KLHL1: variants seen among roughly 807,000 people sequenced by gnomAD.
KLHL1 encodes kelch-like protein 1.
KLHL1 carries 47 observed loss-of-function variants against 77.7 expected under a neutral mutation model. The ratio of observed to expected loss-of-function variants is 0.60; its 90% CI spans 0.48 to 0.77. The LOEUF is 0.77. Ranked by LOEUF, KLHL1 falls within the 30% of genes least tolerant of loss-of-function variation. The probability of loss-of-function intolerance (pLI) is 0.00; values close to 1 mark genes in which losing one functional copy is unlikely to be tolerated. For synonymous variants in KLHL1, 360 were observed against 325.2 expected (o/e 1.11, Z -1.15); for missense variants, 925 against 910.8 (o/e 1.02, Z -0.20).
chr13:69,752,484 G>A lies in KLHL1; in HGVS notation c.1640-11928C>T, dbSNP rs577986943. The stretch of plus-strand genomic sequence containing the variant: ...TCTCAAGGATGATTTCATGTGGTAC[G>A]TAGACATTGTTTTAAAGTGCAATGT... On this transcript the variant is annotated intron_variant, in intron 7 of 10. Transcript: ENST00000377844. Among the ~76,000 whole-genome samples the A allele has an allele frequency of 4.6e-5, 7 of 152,212 alleles. No individual in the cohort carries two copies. The East Asian group carries it at 1.2e-3, about 25-fold the overall frequency.
chr13:69,987,521 C>G (rs984197378), intron 1 of KLHL1, among the ~76,000 whole-genome samples: 1 of 149,412 alleles, frequency 6.7e-6, no homozygotes, highest in African/African-American at 2.5e-5. Context: ...TAATCTAGGT[C>G]AAAGGAAAGA....
intron 9 of KLHL1, among the ~76,000 whole-genome samples, chr13:69,715,815 G>GAGGA (rs1204539133): frequency 6.6e-6 from 1 of 152,092 alleles, no homozygotes. Flanking sequence ...AGGTTTGGGG[G>GAGGA]AGGAAGGGGA....
intron 1 of KLHL1, among the ~76,000 whole-genome samples, chr13:70,034,512 G>T (rs1231797674): frequency 6.6e-6 from 1 of 152,156 alleles, no homozygotes; most frequent in African/African-American, 2.4e-5. Context: ...AGTTGTCATG[G>T]CAACTGTATT....
chr13:69,701,782 C>T, intron 10 of KLHL1, 21 bp from the exon 11 acceptor site: 1 of 1,533,216 alleles, frequency 6.5e-7, no homozygotes, highest in Non-Finnish European at 8.9e-7. Flanking sequence ...AGATGAAACA[C>T]AACTTAAGAC....
chr13:69,878,655 TATAA>T (rs1371294680), intron 5 of KLHL1, among the ~76,000 whole-genome samples: 2 of 151,956 alleles, frequency 1.3e-5, no homozygotes, highest in Admixed American at 1.3e-4. Flanking sequence ...TATAAACACA[TATAA>T]ATACATACAT....
intron 4 of KLHL1, among the ~76,000 whole-genome samples, chr13:69,935,441 C>G (rs980815983): frequency 7.2e-5 from 11 of 151,936 alleles, no homozygotes; most frequent in Admixed American, 5.2e-4. Context: ...ATAACAAAAA[C>G]AAATATATAT....
chr13:69,791,048 AACAC>A (rs200973987), intron 7 of KLHL1, among the ~76,000 whole-genome samples: 2 of 150,836 alleles, frequency 1.3e-5, no homozygotes, highest in Admixed American at 6.6e-5. Flanking sequence ...CTGTGGGGGA[AACAC>A]ACACACACAC....
At chr13:69,925,865 T>C (rs973519301) in intron 4 of KLHL1, among the ~76,000 whole-genome samples, 1 of 152,188 alleles carries the variant, frequency 6.6e-6, no homozygotes, top group African/African-American at 2.4e-5. Flanking sequence ...TGAGTTATGG[T>C]TTTTACTTTG....
At chr13:69,999,540 C>T (rs9542150) in intron 1 of KLHL1, among the ~76,000 whole-genome samples, 25,626 of 151,918 alleles carry the variant, frequency 0.17, 2,285 homozygotes, top group East Asian at 0.19. Context: ...CCCCAAGCCA[C>T]TGAATCGATA....
At chr13:69,974,048 T>A (rs1270500234) in intron 2 of KLHL1, among the ~76,000 whole-genome samples, 1 of 152,002 alleles carries the variant, frequency 6.6e-6, no homozygotes, top group Non-Finnish European at 1.5e-5. Context: ...CTGAACAGCT[T>A]GTGGTCTCGT....
At chr13:69,960,425 TAAAAC>T (rs1448654281) in intron 3 of KLHL1, among the ~76,000 whole-genome samples, 3 of 152,050 alleles carry the variant, frequency 2.0e-5, no homozygotes, top group Admixed American at 6.6e-5. Context: ...AAATAATACA[TAAAAC>T]AAACCATCAA....
At chr13:69,875,698 T>C (rs1188729525) in intron 5 of KLHL1, among the ~76,000 whole-genome samples, 1 of 152,144 alleles carries the variant, frequency 6.6e-6, no homozygotes, top group Non-Finnish European at 1.5e-5. Flanking sequence ...ATTTTGTAAC[T>C]TGAACGGTGA....
At chr13:69,986,161 G>T in intron 1 of KLHL1, among the ~76,000 whole-genome samples, 1 of 151,910 alleles carries the variant, frequency 6.6e-6, no homozygotes, top group East Asian at 1.9e-4. Context: ...TAGAATAGTG[G>T]TTACCAGAGG....
intron 8 of KLHL1, 26 bp downstream of exon 8, chr13:69,740,368 A>T: frequency 6.7e-7 from 1 of 1,495,342 alleles, no homozygotes; most frequent in South Asian, 1.3e-5. Flanking sequence ...TTCTAAGATT[A>T]AAAAATAAGA....
intron 9 of KLHL1, among the ~76,000 whole-genome samples, chr13:69,711,121 A>C (rs570386516): frequency 1.3e-5 from 2 of 152,288 alleles, no homozygotes; most frequent in South Asian, 4.1e-4. Context: ...TACTTTAAGG[A>C]TAATAATCGG....
intron 1 of KLHL1, among the ~76,000 whole-genome samples, chr13:70,103,123 C>G (rs148647559): frequency 6.6e-6 from 1 of 152,040 alleles, no homozygotes; most frequent in Non-Finnish European, 1.5e-5. Context: ...AGGTACAGCA[C>G]GTTTATGCAT....
Position 69,701,640 on chromosome 13 carries a change from C to T in KLHL1, c.*62G>A. 4.4e-6 allele frequency: 5 copies of T among 1,146,038 alleles called. No individual in the cohort carries two copies. Among genetic ancestry groups the T allele is most frequent in the Non-Finnish European group, 6.5e-6 (5 of 771,164 alleles). 71.0% of individuals were successfully genotyped at this position (1,146,038 alleles called of 1,614,324 possible). A position where few individuals can be genotyped will look rare whatever the true frequency, so the allele number is the denominator to read the frequency against. ...TCATCTCTGGAAGTTCTCATTCTTG[C>T]CATTCAATATAAAAATAACCACTCC... On this transcript the variant is annotated 3_prime_UTR_variant, in exon 11 of 11. Coordinates refer to ENST00000377844, the MANE Select transcript of KLHL1 (RefSeq NM_020866.3).
chr13:69,731,451 A>AT (rs1873539376), intron 8 of KLHL1, among the ~76,000 whole-genome samples: 1 of 152,164 alleles, frequency 6.6e-6, no homozygotes, highest in South Asian at 2.1e-4. Flanking sequence ...GCTGTGTATG[A>AT]TTTTAACTCC....
intron 6 of KLHL1, among the ~76,000 whole-genome samples, chr13:69,809,631 C>T (rs1456691496): frequency 6.6e-6 from 1 of 152,032 alleles, no homozygotes; most frequent in Non-Finnish European, 1.5e-5. Context: ...TATAAAGCAA[C>T]TACACAACTG....
Sources: gnomAD v4.1 joint callset for allele counts (sites outside exome capture counted in the v4.1 genomes callset) on GRCh38, gnomAD v4.1.1 for gene constraint, MANE v1.5 for transcripts, NCBI Gene and HGNC (gene_info 2026-07-23, HGNC 2026-07-21) for gene names.